FGD2: variants seen among roughly 807,000 people sequenced by gnomAD.
FGD2 encodes the protein FYVE, RhoGEF and PH domain-containing protein 2.
Under a neutral mutation model 75.9 loss-of-function variants are expected in FGD2, and 52 were observed. That is an observed-to-expected ratio of 0.69 (90% CI 0.55 to 0.86). The LOEUF (loss-of-function observed/expected upper bound fraction) is 0.86, where lower values mean the gene tolerates loss of function less well. FGD2 is among the 40% of genes least tolerant of loss of function. The pLI is 0.00. For missense variants in FGD2, 790 were observed against 872.0 expected (o/e 0.91, Z 1.18); for synonymous variants, 347 against 348.6 (o/e 1.00, Z 0.05).
At chr6:37,014,305 C>A in intron 6 of FGD2, 1 of 668,820 alleles carries the variant, frequency 1.5e-6, no homozygotes, top group Non-Finnish European at 2.5e-6. Flanking sequence ...TGCTCAAGGT[C>A]ACGCAGCCAG....
At position 37,005,865 on chromosome 6, in the gene FGD2, C is replaced by T. The variant is rs773698351; in HGVS notation, c.48C>T (p.Val16=). The change falls in exon 1 of 16, where the codon GTC becomes GTT. Residue 16 remains valine, a synonymous_variant. Coordinates refer to ENST00000274963, the MANE Select transcript of FGD2 (RefSeq NM_173558.4). The part of the protein sequence containing the change: ...EEKLASVSNL[V]TVFENSRTPE... ...AGCTGGCATCTGTGTCCAACCTGGT[C>T]ACTGTGTTTGAGAATAGCAGGTATG... 4 of 1,613,854 alleles carry T rather than the reference C, an allele frequency of 2.5e-6. No homozygotes were observed. The South Asian group carries it at 3.3e-5, about 13-fold the overall frequency.
At chr6:37,024,616 T>C (rs1765732465) in intron 13 of FGD2, 1 of 152,204 alleles carries the variant, frequency 6.6e-6, no homozygotes, top group Non-Finnish European at 1.5e-5. Context: ...TGTCTGTCGG[T>C]AGGAAATTTT....
Position 37,028,133 on chromosome 6 carries a change from C to T in FGD2, c.1938C>T (p.Ser646=). Residue 646 remains serine (S), a synonymous_variant, in exon 16 of 16, where the codon AGC becomes AGT. Transcript: ENST00000274963. ...MERAASGWSP[S]WPNDGDLSD ...GGGCGGCCAGTGGCTGGAGCCCCAG[C>T]TGGCCCAACGATGGGGACCTGTCCG... 2 of 1,604,628 alleles carry T rather than the reference C, an allele frequency of 1.2e-6. No homozygotes were observed. The highest frequency in any genetic ancestry group is 1.7e-6 in the Non-Finnish European group (2 of 1,175,796).
At position 37,008,874 on chromosome 6, in the gene FGD2, G is replaced by T. The variant is rs752828413; in HGVS notation, c.109G>T (p.Val37Leu). ...ACCCAGAGGCCAGAGGCTAGAGGAC[G>T]TGCATCACCGCCCTGAGTGCAGGCC... Reference protein sequence around the residue: ...AAPRGQRLEDVHHRPECRPPE... With the variant: ...AAPRGQRLEDLHHRPECRPPE... Residue 37 changes from valine to leucine, a missense_variant, in exon 2 of 16, where the codon GTG (valine) becomes TTG (leucine). Transcript: ENST00000274963. The T allele has an allele frequency of 1.9e-6, 3 of 1,612,606 alleles. No homozygotes were observed. The highest frequency in any genetic ancestry group is 2.5e-6 in the Non-Finnish European group (3 of 1,178,946).
Position 37,025,640 on chromosome 6 carries a change from G to A in FGD2, c.1459-152G>A, listed in dbSNP as rs1189255661. Reference sequence around the variant, plus strand: ...AGTTGGGCCTCACCAGCATGGGGGAGCATCCCCGCTCTGCCTCTATTCCTC... The same window carrying A: ...AGTTGGGCCTCACCAGCATGGGGGAACATCCCCGCTCTGCCTCTATTCCTC... On this transcript the variant is annotated intron_variant, in intron 13 of 15. Transcript: ENST00000274963. 4.0e-5 allele frequency: 30 copies of A among 758,426 alleles called. No homozygotes were observed. In the Admixed American group the frequency reaches 5.3e-4, roughly 13 times the overall value. 47.0% of individuals were successfully genotyped at this position (758,426 alleles called of 1,614,324 possible).
intron 12 of FGD2, chr6:37,021,880 G>A: frequency 2.1e-6 from 1 of 484,084 alleles, no homozygotes; most frequent in Non-Finnish European, 3.7e-6. Flanking sequence ...AGGGTTTTGG[G>A]TTTGAAAGTA....
chr6:37,008,732 A>G (rs973484891), intron 1 of FGD2, 102 bp from the exon 2 acceptor site: 2 of 1,133,446 alleles, frequency 1.8e-6, no homozygotes, highest in East Asian at 5.0e-5. Context: ...GGGCCCCTGC[A>G]CTGGGGATTT....
rs748212724 is a variant in FGD2, at chr6:37,027,586, C to T, written c.1752+11C>T. ...TATGCTGCCCCTCAGGTAAGGCCAC[C>T]ACCTGCCCGCCCCCCGTCAGGCCCT... On this transcript the variant is annotated intron_variant, in intron 15 of 15. Coordinates refer to ENST00000274963, the MANE Select transcript of FGD2 (RefSeq NM_173558.4). 1.2e-6 allele frequency: 2 copies of T among 1,613,730 alleles called. No homozygotes were observed. The highest frequency in any genetic ancestry group is 2.2e-5 in the East Asian group (1 of 44,868).
intron 1 of FGD2, 80 bp from the exon 2 acceptor site, chr6:37,008,754 C>T: frequency 7.1e-7 from 1 of 1,415,684 alleles, no homozygotes; most frequent in Non-Finnish European, 9.5e-7. Context: ...CACCAGGCAA[C>T]CCAAATCCAC....
intron 9 of FGD2, among the ~76,000 whole-genome samples, chr6:37,019,036 C>T (rs1014105101): frequency 6.6e-6 from 1 of 152,130 alleles, no homozygotes; most frequent in African/African-American, 2.4e-5. Context: ...AGGTCAGGAG[C>T]CCCCAGTTCC....
intron 4 of FGD2, chr6:37,013,024 T>A (rs1462645465): frequency 9.8e-6 from 1 of 101,618 alleles, no homozygotes. Flanking sequence ...GTATATATAT[T>A]ATTTTTTTTC....
At chr6:37,006,097 G>A (rs1438301166) in intron 1 of FGD2, among the ~76,000 whole-genome samples, 1 of 152,242 alleles carries the variant, frequency 6.6e-6, no homozygotes, top group Non-Finnish European at 1.5e-5. Flanking sequence ...TGTTGGGAGA[G>A]TCCAGACAGG....
Position 37,014,020 on chromosome 6 carries a change from G to T in FGD2, c.743G>T (p.Arg248Ile). ...LQHHMLEPVQ[R>I]IPRYELLLKE... is the part of the protein sequence containing the mutation. ...CACCACATGCTGGAACCAGTGCAGA[G>T]AATTCCACGTTACGAGCTGCTGCTC... is the stretch of plus-strand genomic sequence containing the variant. The change falls in exon 6 of 16, where the codon AGA (arginine) becomes ATA (isoleucine). Residue 248 changes from arginine (R) to isoleucine (I), a missense_variant. Coordinates refer to ENST00000274963, the MANE Select transcript of FGD2 (RefSeq NM_173558.4). 6.2e-7 allele frequency: 1 copy of T among 1,614,122 alleles called. No individual in the cohort carries two copies. Among genetic ancestry groups the T allele is most frequent in the South Asian group, 1.1e-5 (1 of 91,084 alleles).
At chr6:37,022,675 C>CTA in intron 13 of FGD2, 1 of 314,818 alleles carries the variant, frequency 3.2e-6, no homozygotes. Flanking sequence ...TCCACCTGCC[C>CTA]CACCTTGGCT....
chr6:37,011,089 T>C, intron 3 of FGD2, 39 bp downstream of exon 3: 2 of 1,600,130 alleles, frequency 1.2e-6, no homozygotes, highest in Non-Finnish European at 1.7e-6. Context: ...GCCCCAGCCC[T>C]GGGTCTCCTC....
At chr6:37,010,013 C>CA (rs58302886) in intron 2 of FGD2, 29,163 of 99,870 alleles carry the variant, frequency 0.29, 3,714 homozygotes, top group East Asian at 0.56. Flanking sequence ...GACTCTGTCT[C>CA]AAAAAAAAAA....
At chr6:37,005,989 C>A (rs74534721) in intron 1 of FGD2, 104 bp downstream of exon 1, 9 of 1,300,940 alleles carry the variant, frequency 6.9e-6, no homozygotes, top group Non-Finnish European at 9.8e-6. Context: ...CCTCCTCCTG[C>A]AGGGGCAGCC....
chr6:37,006,844 C>G (rs1002109615), intron 1 of FGD2, among the ~76,000 whole-genome samples: 1 of 152,042 alleles, frequency 6.6e-6, no homozygotes, highest in Non-Finnish European at 1.5e-5. Context: ...CTGCAGTGCA[C>G]CTGCCACAGA....
At chr6:37,009,224 G>A in intron 2 of FGD2, 159 bp downstream of exon 2, 1 of 668,464 alleles carries the variant, frequency 1.5e-6, no homozygotes, top group South Asian at 2.0e-5. Context: ...CATGCTTAAT[G>A]GCCTTTGATT....
Sources: gnomAD v4.1 joint callset for allele counts (sites outside exome capture counted in the v4.1 genomes callset) on GRCh38, gnomAD v4.1.1 for gene constraint, MANE v1.5 for transcripts, NCBI Gene and HGNC (gene_info 2026-07-23, HGNC 2026-07-21) for gene names.